The following FYN variants were observed in gnomAD, a reference collection of about 807,000 sequenced individuals.
FYN encodes FYN proto-oncogene, Src family tyrosine kinase.
A neutral mutation model predicts 70.2 loss-of-function variants in FYN; 10 were observed. That is an observed-to-expected ratio of 0.14 (90% confidence interval 0.09 to 0.24). The LOEUF is 0.24. Ranked by LOEUF, FYN falls within the 10% of genes least tolerant of loss-of-function variation. The pLI is 1.00. For synonymous variants in FYN, 236 were observed against 248.6 expected, an observed-to-expected ratio of 0.95 and a Z score of 0.48; for missense variants, 319 against 673.1, an observed-to-expected ratio of 0.47 and a Z score of 5.82.
intron 3 of FYN, among the ~76,000 whole-genome samples, chr6:111,747,031 A>C (rs1052050616): frequency 6.6e-6 from 1 of 152,180 alleles, no homozygotes; most frequent in Non-Finnish European, 1.5e-5. Flanking sequence ...AGATAACTAA[A>C]ATATTCTTTA....
intron 2 of FYN, among the ~76,000 whole-genome samples, chr6:111,808,581 A>C (rs766472537): frequency 6.6e-6 from 1 of 152,176 alleles, no homozygotes; most frequent in Non-Finnish European, 1.5e-5. Flanking sequence ...TAGAAACCAA[A>C]GGGAAAGGAA....
intron 8 of FYN, among the ~76,000 whole-genome samples, chr6:111,700,993 A>C (rs115311557): frequency 0.014 from 2,105 of 152,218 alleles, 50 homozygotes; most frequent in African/African-American, 0.048. Context: ...AAAAAAAAAA[A>C]AACAACTTTT....
intron 1 of FYN, among the ~76,000 whole-genome samples, chr6:111,860,917 T>C (rs1245751328): frequency 6.6e-6 from 1 of 152,216 alleles, no homozygotes; most frequent in Non-Finnish European, 1.5e-5. Context: ...GTGTGAGGTA[T>C]GGCACATTAT....
chr6:111,672,808 G>A (rs1798345410), intron 13 of FYN, among the ~76,000 whole-genome samples: 1 of 152,138 alleles, frequency 6.6e-6, no homozygotes, highest in South Asian at 2.1e-4. Flanking sequence ...CTGAAGCTAC[G>A]CTGAATGAAT....
intron 3 of FYN, among the ~76,000 whole-genome samples, chr6:111,721,671 C>T (rs1800951234): frequency 6.6e-6 from 1 of 151,980 alleles, no homozygotes; most frequent in Non-Finnish European, 1.5e-5. Context: ...TCCCAAAGTA[C>T]TGGCATTACA....
chr6:111,823,671 T>C (rs1772744937), intron 2 of FYN, among the ~76,000 whole-genome samples: 1 of 152,150 alleles, frequency 6.6e-6, no homozygotes, highest in Non-Finnish European at 1.5e-5. Context: ...ACTCGCAGGC[T>C]CTGCTAATAA....
intron 3 of FYN, among the ~76,000 whole-genome samples, chr6:111,731,813 T>C (rs1801470548): frequency 1.3e-5 from 2 of 152,126 alleles, no homozygotes; most frequent in Admixed American, 6.5e-5. Context: ...AGGAGGATGG[T>C]CTCTGCCTTC....
At chr6:111,692,434 C>G (rs1799375917) in intron 12 of FYN, among the ~76,000 whole-genome samples, 1 of 151,848 alleles carries the variant, frequency 6.6e-6, no homozygotes, top group Non-Finnish European at 1.5e-5. Context: ...AGGGCAGCAG[C>G]CTGATGGGAG....
At chr6:111,663,047 T>A (rs1360999591) in intron 13 of FYN, among the ~76,000 whole-genome samples, 1 of 152,232 alleles carries the variant, frequency 6.6e-6, no homozygotes, top group East Asian at 1.9e-4. Context: ...GGGTGGCCAG[T>A]GTCCTGACCT....
At chr6:111,671,967 A>G (rs1266407142) in intron 13 of FYN, among the ~76,000 whole-genome samples, 3 of 152,186 alleles carry the variant, frequency 2.0e-5, no homozygotes, top group Non-Finnish European at 4.4e-5. Context: ...GGAAGAACCC[A>G]TGGCTAGGAA....
rs894429188 is a variant in FYN, at chr6:111,873,442, GCTGAT to G, written c.-602_-598del. On this transcript the variant is annotated 5_prime_UTR_variant, in exon 1 of 14. Coordinates refer to ENST00000354650, the MANE Select transcript of FYN (RefSeq NM_002037.5). ...AGCGCGGCTGCTCGCTGCTACTCTTGCTGATGCTCTGCCCCTCCAGCTCCGGAGGG... is the reference window on the plus strand; with the variant it reads ...AGCGCGGCTGCTCGCTGCTACTCTTGGCTCTGCCCCTCCAGCTCCGGAGGG... 2.0e-5 allele frequency: 3 copies of G among 151,968 alleles called. No homozygotes were observed. The highest frequency in any genetic ancestry group is 7.3e-5 in the African/African-American group (3 of 41,354). The allele number at this position is 151,968 out of a possible 1,614,324, so 9.4% of individuals were successfully genotyped here. A position where few individuals can be genotyped will look rare whatever the true frequency, so the allele number is the denominator to read the frequency against.
intron 13 of FYN, among the ~76,000 whole-genome samples, 158 bp from the exon 14 acceptor site, chr6:111,662,105 G>A (rs1794840): frequency 0.036 from 5,551 of 152,292 alleles, 344 homozygotes; most frequent in African/African-American, 0.12. Flanking sequence ...TGCTACTCAG[G>A]AGTAAAGAAG....
intron 2 of FYN, among the ~76,000 whole-genome samples, chr6:111,802,315 T>C (rs1236912411): frequency 6.6e-6 from 1 of 152,160 alleles, no homozygotes; most frequent in African/African-American, 2.4e-5. Flanking sequence ...GCCATGATTG[T>C]AAATGTCCTG....
chr6:111,698,180 CAATGGT>C lies in FYN; in HGVS notation c.863-1730_863-1725del, dbSNP rs1288109008. On this transcript the variant is annotated intron_variant, in intron 9 of 13. Coordinates refer to ENST00000354650, the MANE Select transcript of FYN (RefSeq NM_002037.5). ...CGCTTTTGTTGCCCAGGCTGGAGTG[CAATGGT>C]GCAATGGTGCGATCTCCGCTCACCG... 1.2e-4 allele frequency among the ~76,000 whole-genome samples: 11 copies of C among 93,056 alleles called. No homozygotes were observed. In the African/African-American group the frequency reaches 2.0e-3, roughly 17 times the overall value. 61.0% of individuals were successfully genotyped at this position (93,056 alleles called of 152,430 possible). A position where few individuals can be genotyped will look rare whatever the true frequency, so the allele number is the denominator to read the frequency against.
intron 2 of FYN, among the ~76,000 whole-genome samples, chr6:111,787,488 T>A (rs1344202316): frequency 2.0e-5 from 3 of 152,170 alleles, no homozygotes; most frequent in Non-Finnish European, 4.4e-5. Flanking sequence ...TAGTTTGAAG[T>A]CAGGTAGCGT....
At chr6:111,685,214 T>C (rs1166181139) in intron 12 of FYN, among the ~76,000 whole-genome samples, 1 of 152,100 alleles carries the variant, frequency 6.6e-6, no homozygotes, top group East Asian at 1.9e-4. Context: ...AACACAGAAA[T>C]GATGCCAAGA....
chr6:111,808,496 C>A (rs1473085121), intron 2 of FYN, among the ~76,000 whole-genome samples: 1 of 152,168 alleles, frequency 6.6e-6, no homozygotes, highest in African/African-American at 2.4e-5. Context: ...GGAGGGACCC[C>A]ACTGTGGGTA....
intron 1 of FYN, among the ~76,000 whole-genome samples, chr6:111,872,215 C>T (rs970771622): frequency 2.0e-5 from 3 of 152,016 alleles, no homozygotes; most frequent in Non-Finnish European, 2.9e-5. Context: ...TGGCCCAGTC[C>T]CCTCCGCCTG....
chr6:111,720,949 T>G (rs706897), intron 3 of FYN, among the ~76,000 whole-genome samples: 2,312 of 152,198 alleles, frequency 0.015, 65 homozygotes, highest in African/African-American at 0.052. Flanking sequence ...AGAAGCATCC[T>G]CATTTCCTCC....
Sources: allele counts gnomAD v4.1 joint callset (sites outside exome capture counted in the v4.1 genomes callset), GRCh38; gene constraint gnomAD v4.1.1; transcripts MANE v1.5; gene names NCBI Gene and HGNC (gene_info 2026-07-23, HGNC 2026-07-21).